SLC35F3: variants seen among roughly 807,000 people sequenced by gnomAD.
SLC35F3 encodes putative thiamine transporter SLC35F3.
In SLC35F3, 25 loss-of-function variants were observed where a neutral mutation model predicts 49.9. That is an observed-to-expected ratio of 0.50 (90% CI 0.37 to 0.70). The LOEUF (loss-of-function observed/expected upper bound fraction) is 0.70, where lower values mean the gene tolerates loss of function less well. Among genes scored for constraint, SLC35F3 ranks in the 30% least tolerant of loss-of-function variants. The probability of loss-of-function intolerance (pLI) is 0.00; values close to 1 mark genes in which losing one functional copy is unlikely to be tolerated. For missense variants in SLC35F3, 525 were observed against 639.8 expected (o/e 0.82, Z 1.94); for synonymous variants, 275 against 265.4 (o/e 1.04, Z -0.35).
chr1:233,947,728 A>G (rs1571991491), intron 2 of SLC35F3, among the ~76,000 whole-genome samples: 1 of 149,046 alleles, frequency 6.7e-6, no homozygotes, highest in Non-Finnish European at 1.5e-5. Flanking sequence ...ATGTGTCCAT[A>G]CTCCCTGGGA....
intron 2 of SLC35F3, among the ~76,000 whole-genome samples, chr1:234,040,248 A>G (rs567951623): frequency 2.0e-5 from 3 of 152,264 alleles, no homozygotes; most frequent in South Asian, 2.1e-4. Context: ...TCTGAAGTCA[A>G]GTTTCTCTCC....
intron 2 of SLC35F3, among the ~76,000 whole-genome samples, chr1:234,137,446 G>T (rs1474199210): frequency 1.3e-5 from 2 of 152,196 alleles, no homozygotes; most frequent in Non-Finnish European, 2.9e-5. Flanking sequence ...GTGATCATGG[G>T]AAGAGCACAT....
At chr1:234,253,190 G>A (rs866242084) in intron 3 of SLC35F3, among the ~76,000 whole-genome samples, 1 of 152,192 alleles carries the variant, frequency 6.6e-6, no homozygotes. Context: ...ACTGGGCATA[G>A]TGGGGCACAC....
chr1:234,305,267 TGTAA>T (rs1157582437), intron 3 of SLC35F3, among the ~76,000 whole-genome samples: 2 of 152,216 alleles, frequency 1.3e-5, no homozygotes, highest in Non-Finnish European at 1.5e-5. Flanking sequence ...AACATAAGTA[TGTAA>T]GTATTTGTCA....
At chr1:234,273,665 C>T (rs1233694505) in intron 3 of SLC35F3, among the ~76,000 whole-genome samples, 1 of 151,964 alleles carries the variant, frequency 6.6e-6, no homozygotes, top group East Asian at 1.9e-4. Context: ...AGAAGGCCTT[C>T]AGAAGGATTG....
chr1:233,926,082 A>C (rs897347143), intron 2 of SLC35F3, among the ~76,000 whole-genome samples: 7 of 152,074 alleles, frequency 4.6e-5, no homozygotes, highest in Middle Eastern at 3.4e-3. Context: ...CCTTCATTTC[A>C]ACCTTGGTGA....
intron 2 of SLC35F3, among the ~76,000 whole-genome samples, chr1:234,152,212 A>ATTATTATTG (rs1553309900): frequency 2.1e-5 from 3 of 143,420 alleles, no homozygotes; most frequent in East Asian, 4.2e-4. Flanking sequence ...ATGGAGTAAC[A>ATTATTATTG]TTATTATTAT....
At chr1:233,939,777 A>G (rs1662392428) in intron 2 of SLC35F3, among the ~76,000 whole-genome samples, 1 of 152,152 alleles carries the variant, frequency 6.6e-6, no homozygotes, top group African/African-American at 2.4e-5. Context: ...TGTTTAGGAG[A>G]ATGGTTCACT....
intron 2 of SLC35F3, among the ~76,000 whole-genome samples, chr1:234,003,347 A>G (rs1663581277): frequency 6.6e-6 from 1 of 152,186 alleles, no homozygotes; most frequent in African/African-American, 2.4e-5. Context: ...AGTCAGTGGA[A>G]GAGCAGAGGA....
chr1:234,132,990 A>T (rs1665757278), intron 2 of SLC35F3, among the ~76,000 whole-genome samples: 1 of 152,226 alleles, frequency 6.6e-6, no homozygotes, highest in African/African-American at 2.4e-5. Flanking sequence ...AGCAACTATT[A>T]TTGTGCCAGT....
At chr1:233,955,049 GC>G (rs1162119773) in intron 2 of SLC35F3, among the ~76,000 whole-genome samples, 1 of 151,982 alleles carries the variant, frequency 6.6e-6, no homozygotes, top group Non-Finnish European at 1.5e-5. Context: ...TCACCATGTT[GC>G]CCAGGCTACT....
rs555957781 is a variant in SLC35F3 at position 233,992,155 on chromosome 1, G to A, written c.283+86397G>A. On this transcript the variant is annotated intron_variant, in intron 2 of 7. Transcript: ENST00000366618. ...GACAAGAATGTGAGAGGGTGGGATT[G>A]GTGGGCAAAGGGCAGGAGGGACACC... is the stretch of plus-strand genomic sequence containing the variant. Among the ~76,000 whole-genome samples, 27 of 152,282 alleles carry A rather than the reference G, an allele frequency of 1.8e-4. No homozygotes were observed. The East Asian group carries it at 5.2e-3, about 29-fold the overall frequency.
intron 7 of SLC35F3, among the ~76,000 whole-genome samples, chr1:234,322,650 C>CGTGTGTGTGTGTGTGTGTGT (rs55827503): frequency 3.4e-5 from 5 of 144,968 alleles, no homozygotes; most frequent in African/African-American, 1.3e-4. Context: ...GGGTCAAATG[C>CGTGTGTGTGTGTGTGTGTGT]GTGTGTGTGT....
At chr1:233,998,133 A>G (rs192433881) in intron 2 of SLC35F3, among the ~76,000 whole-genome samples, 11 of 152,202 alleles carry the variant, frequency 7.2e-5, no homozygotes, top group South Asian at 6.2e-4. Flanking sequence ...AATATATACT[A>G]TGGTTCTGCG....
chr1:234,006,767 T>C (rs1290608070), intron 2 of SLC35F3, among the ~76,000 whole-genome samples: 1 of 151,940 alleles, frequency 6.6e-6, no homozygotes, highest in African/African-American at 2.4e-5. Flanking sequence ...GCATGAGGAG[T>C]AGAGGCCTGG....
intron 2 of SLC35F3, among the ~76,000 whole-genome samples, chr1:234,153,376 A>T (rs1171869368): frequency 1.4e-4 from 22 of 152,204 alleles, no homozygotes; most frequent in Admixed American, 1.4e-3. Flanking sequence ...AGGGAGGCCA[A>T]GTTGGGAGGA....
chr1:234,299,161 TA>T (rs1413301948), intron 3 of SLC35F3, among the ~76,000 whole-genome samples: 1 of 152,162 alleles, frequency 6.6e-6, no homozygotes, highest in Non-Finnish European at 1.5e-5. Flanking sequence ...CATGTGCTGT[TA>T]CCCCTCAAGG....
chr1:233,936,976 C>T (rs1389193591), intron 2 of SLC35F3, among the ~76,000 whole-genome samples: 2 of 152,184 alleles, frequency 1.3e-5, no homozygotes, highest in African/African-American at 2.4e-5. Context: ...ACAGGCGTGA[C>T]CACTGCATCT....
In SLC35F3 at chr1:234,231,441, CG is replaced by C. The variant is rs1667371265; in HGVS notation, c.311del (p.Gly104AlafsTer55). On this transcript the variant is annotated frameshift_variant, in exon 3 of 8. Transcript: ENST00000366618. LOFTEE classifies it high-confidence loss of function. The surrounding 1 kb of genome is among the most constrained non-coding windows in gnomAD (Gnocchi z 5.4). ...GGGGAGGAGCGCCCCCGGGACTCCC[CG>C]GGCCCGGCGGAGGCCCAGGCACCGG... ...CKREERPRDS[P>X]GPAEAQAPAG... 2.5e-6 allele frequency: 4 copies of C among 1,596,574 alleles called. No homozygotes were observed. The highest frequency in any genetic ancestry group is 3.4e-6 in the Non-Finnish European group (4 of 1,171,988).
Sources: allele counts gnomAD v4.1 joint callset (sites outside exome capture counted in the v4.1 genomes callset), GRCh38; gene constraint gnomAD v4.1.1; non-coding constraint Gnocchi (gnomAD v3.1); transcripts MANE v1.5; gene names NCBI Gene and HGNC (gene_info 2026-07-23, HGNC 2026-07-21).